The following PTPRD variants were observed in gnomAD, a reference collection of about 807,000 sequenced individuals.
PTPRD encodes the protein protein tyrosine phosphatase receptor type D, also known as receptor-type tyrosine-protein phosphatase delta.
A neutral mutation model predicts 214.5 loss-of-function variants in PTPRD; 34 were observed. The ratio of observed to expected loss-of-function variants is 0.16; its 90% CI spans 0.12 to 0.21. The LOEUF (loss-of-function observed/expected upper bound fraction) is 0.21, where lower values mean the gene tolerates loss of function less well. PTPRD is among the 10% of genes least tolerant of loss of function. PTPRD has a pLI of 1.00. For synonymous variants in PTPRD, 1,128 were observed against 845.7 expected, an observed-to-expected ratio of 1.33 and a Z score of -5.79; for missense variants, 2,545 against 2,398.7, an observed-to-expected ratio of 1.06 and a Z score of -1.27.
chr9:9,500,252 C>T (rs781285955), intron 8 of PTPRD, among the ~76,000 whole-genome samples: 2 of 152,060 alleles, frequency 1.3e-5, no homozygotes, highest in Non-Finnish European at 2.9e-5. Context: ...GAAAGTCACA[C>T]CAGGCTTGGC....
At chr9:8,688,539 T>C (rs1282966301) in intron 12 of PTPRD, among the ~76,000 whole-genome samples, 7 of 142,694 alleles carry the variant, frequency 4.9e-5, no homozygotes, top group African/African-American at 1.8e-4. Flanking sequence ...CGCTCCAGCC[T>C]GGGCGATAGA....
chr9:9,856,229 C>G (rs1022749906), intron 5 of PTPRD, among the ~76,000 whole-genome samples: 3 of 152,144 alleles, frequency 2.0e-5, no homozygotes, highest in Admixed American at 6.6e-5. Context: ...CATCCAGCCA[C>G]TCTTCCTCTC....
At chr9:9,085,704 C>T (rs147336040) in intron 10 of PTPRD, among the ~76,000 whole-genome samples, 1 of 151,936 alleles carries the variant, frequency 6.6e-6, no homozygotes, top group African/African-American at 2.4e-5. Flanking sequence ...TGTCGGTTTG[C>T]CACCTCATTG....
intron 11 of PTPRD, among the ~76,000 whole-genome samples, chr9:9,018,213 G>C (rs763480407): frequency 5.3e-5 from 8 of 151,934 alleles, no homozygotes; most frequent in Non-Finnish European, 1.0e-4. Context: ...TTGTTGTATT[G>C]TTCATACTCT....
At chr9:9,121,443 A>C (rs1048312825) in intron 10 of PTPRD, among the ~76,000 whole-genome samples, 2 of 152,006 alleles carry the variant, frequency 1.3e-5, no homozygotes, top group Non-Finnish European at 2.9e-5. Flanking sequence ...TCAATCAACA[A>C]AGAAACTTTG....
At chr9:10,392,137 A>G (rs938595993) in intron 2 of PTPRD, among the ~76,000 whole-genome samples, 4 of 151,948 alleles carry the variant, frequency 2.6e-5, no homozygotes, top group South Asian at 2.1e-4. Flanking sequence ...TGTAAATTCA[A>G]TGAGGCCCAG....
intron 11 of PTPRD, among the ~76,000 whole-genome samples, chr9:8,940,263 C>CTT (rs1248206277): frequency 1.1e-5 from 1 of 90,524 alleles, no homozygotes; most frequent in Non-Finnish European, 2.2e-5. Context: ...TTTCACACAT[C>CTT]TCTCTCTCTC....
intron 2 of PTPRD, among the ~76,000 whole-genome samples, chr9:10,518,595 C>G (rs1201267074): frequency 6.6e-6 from 1 of 151,846 alleles, no homozygotes; most frequent in Non-Finnish European, 1.5e-5. Flanking sequence ...TGCAGCGGCC[C>G]AATCTTGGCT....
chr9:10,098,821 G>A (rs971962083), intron 3 of PTPRD, among the ~76,000 whole-genome samples: 1 of 151,674 alleles, frequency 6.6e-6, no homozygotes, highest in African/African-American at 2.4e-5. Context: ...GGTTAACTGC[G>A]GTACTGGAAT....
rs1211990344 is a variant in PTPRD at position 9,108,172 on chromosome 9, A to C, written c.-143+75132T>G. ...TTCTTAAGTTACAGTTTTTCCTGTAAAACTTATATTATTTACGTTTGTCTG... is the reference window on the plus strand; with the variant it reads ...TTCTTAAGTTACAGTTTTTCCTGTACAACTTATATTATTTACGTTTGTCTG... On this transcript the variant is annotated intron_variant, in intron 10 of 45. Coordinates refer to ENST00000381196, the MANE Select transcript of PTPRD (RefSeq NM_002839.4). Among the ~76,000 whole-genome samples, 3 of 152,132 alleles carry C rather than the reference A, an allele frequency of 2.0e-5. No individual in the cohort carries two copies. In the East Asian group the frequency reaches 5.8e-4, roughly 29 times the overall value.
chr9:8,819,771 G>T (rs1186861599), intron 11 of PTPRD, among the ~76,000 whole-genome samples: 1 of 152,194 alleles, frequency 6.6e-6, no homozygotes, highest in Non-Finnish European at 1.5e-5. Flanking sequence ...ATTCCTTTGT[G>T]ACACAGCATC....
chr9:8,901,803 T>A (rs1371200802), intron 11 of PTPRD, among the ~76,000 whole-genome samples: 2 of 152,208 alleles, frequency 1.3e-5, no homozygotes, highest in Non-Finnish European at 2.9e-5. Context: ...TGGTCTGACT[T>A]TATAATTTCC....
intron 7 of PTPRD, among the ~76,000 whole-genome samples, chr9:9,580,917 T>C (rs1160158343): frequency 6.6e-6 from 1 of 152,106 alleles, no homozygotes; most frequent in Non-Finnish European, 1.5e-5. Context: ...TTGTAAATTC[T>C]GGATAAACAG....
chr9:9,261,610 A>C (rs1321545227), intron 9 of PTPRD, among the ~76,000 whole-genome samples: 1 of 151,038 alleles, frequency 6.6e-6, no homozygotes, highest in Non-Finnish European at 1.5e-5. Flanking sequence ...CAAACCTCTA[A>C]TAATAATGAG....
chr9:9,093,308 A>G (rs2099778889), intron 10 of PTPRD, among the ~76,000 whole-genome samples: 1 of 152,106 alleles, frequency 6.6e-6, no homozygotes, highest in Admixed American at 6.6e-5. Flanking sequence ...CACAGGAAAT[A>G]CGAATAACAC....
intron 9 of PTPRD, among the ~76,000 whole-genome samples, chr9:9,243,552 T>A (rs2099971472): frequency 6.6e-6 from 1 of 152,158 alleles, no homozygotes; most frequent in Non-Finnish European, 1.5e-5. Context: ...CATGATTATC[T>A]CAATAGATTC....
intron 7 of PTPRD, among the ~76,000 whole-genome samples, chr9:9,676,381 G>T (rs370972590): frequency 1.3e-5 from 2 of 150,472 alleles, no homozygotes; most frequent in East Asian, 2.0e-4. Flanking sequence ...GCGGTGTTTG[G>T]TTTTTTGTCC....
chr9:8,357,253 C>T (rs1197118783), intron 39 of PTPRD, among the ~76,000 whole-genome samples: 1 of 152,210 alleles, frequency 6.6e-6, no homozygotes, highest in Non-Finnish European at 1.5e-5. Context: ...AGCTGCTTTT[C>T]CTAACTTTAC....
rs532080800 is a variant in PTPRD at position 9,831,707 on chromosome 9, G to C, written c.-367-64856C>G. Reference sequence around the variant, plus strand: ...TACAGGCTGAAGCATTTTATCTATAGACAAACTGCGTAATTTCCCTAATTT... The same window carrying C: ...TACAGGCTGAAGCATTTTATCTATACACAAACTGCGTAATTTCCCTAATTT... On this transcript the variant is annotated intron_variant, in intron 5 of 45. Coordinates refer to ENST00000381196, the MANE Select transcript of PTPRD (RefSeq NM_002839.4). Among the ~76,000 whole-genome samples, 5 of 152,034 alleles carry C rather than the reference G, an allele frequency of 3.3e-5. No individual in the cohort carries two copies. In the South Asian group the frequency reaches 1.0e-3, roughly 32 times the overall value.
Sources: allele counts gnomAD v4.1 joint callset (sites outside exome capture counted in the v4.1 genomes callset), GRCh38; gene constraint gnomAD v4.1.1; transcripts MANE v1.5; gene names NCBI Gene and HGNC (gene_info 2026-07-23, HGNC 2026-07-21).